The following ORMDL1 variants were observed in gnomAD, a reference collection of about 807,000 sequenced individuals.
ORMDL1 encodes ORMDL sphingolipid biosynthesis regulator 1.
Under a neutral mutation model 13.0 loss-of-function variants are expected in ORMDL1, and 10 were observed. The observed-to-expected ratio is 0.77, with a 90% CI of 0.47 to 1.30. The LOEUF (loss-of-function observed/expected upper bound fraction) is 1.30, where lower values mean the gene tolerates loss of function less well. Ranked by LOEUF, ORMDL1 falls within the 50% of genes most tolerant of loss-of-function variation. The pLI, the probability that ORMDL1 is intolerant of heterozygous loss-of-function variation, is 0.00. For missense variants in ORMDL1, 171 were observed against 186.7 expected (o/e 0.92, Z 0.49); for synonymous variants, 61 against 63.9 (o/e 0.95, Z 0.22).
At chr2:189,775,528 C>A in intron 4 of ORMDL1, 37 bp downstream of exon 4, 1 of 1,529,150 alleles carries the variant, frequency 6.5e-7, no homozygotes, top group Non-Finnish European at 8.8e-7. Flanking sequence ...TTCCTCTTAT[C>A]CAATCCTCCT....
downstream of ORMDL1, among the ~76,000 whole-genome samples, chr2:189,767,489 A>G (rs1358942567): frequency 6.6e-6 from 1 of 152,264 alleles, no homozygotes; most frequent in Non-Finnish European, 1.5e-5. Context: ...GGTTTTCAAA[A>G]TAAGATTGTC....
downstream of ORMDL1, among the ~76,000 whole-genome samples, chr2:189,766,898 T>G (rs1287110996): frequency 6.6e-6 from 1 of 152,202 alleles, no homozygotes; most frequent in Non-Finnish European, 1.5e-5. Flanking sequence ...TCATAAAGTC[T>G]TCAAGATTCA....
At chr2:189,767,479 G>T (rs537914159), downstream of ORMDL1, among the ~76,000 whole-genome samples, 3 of 152,012 alleles carry the variant, frequency 2.0e-5, no homozygotes, top group Non-Finnish European at 4.4e-5. Context: ...AAAACTCCGG[G>T]GTTTTCAAAA....
chr2:189,784,016 T>G (rs1347400294), intron 1 of ORMDL1: 1 of 152,390 alleles, frequency 6.6e-6, no homozygotes, highest in African/African-American at 2.4e-5. Flanking sequence ...AAGCCGCCGC[T>G]GCTACCACCT....
intron 3 of ORMDL1, among the ~76,000 whole-genome samples, chr2:189,777,980 C>T (rs2047735327): frequency 6.6e-6 from 1 of 152,154 alleles, no homozygotes; most frequent in African/African-American, 2.4e-5. Flanking sequence ...ACTCCGATGG[C>T]TAATTAAGTT....
rs1357662263 is a variant in ORMDL1 at position 189,782,997 on chromosome 2, GAAA to G, written c.-8+14_-8+16del. 3 of 165,490 alleles carry G rather than the reference GAAA, an allele frequency of 1.8e-5. No homozygotes were observed. The highest frequency in any genetic ancestry group is 7.2e-5 in the African/African-American group (3 of 41,638). 10.3% of individuals were successfully genotyped at this position (165,490 alleles called of 1,614,324 possible). ...CAACATAATAAATTTATATTAAAAA[GAAA>G]AAGCAGAACTCACCGAGCCAGTGTG... On this transcript the variant is annotated intron_variant, in intron 2 of 4. Coordinates refer to ENST00000392349, the MANE Select transcript of ORMDL1 (RefSeq NM_016467.5).
At chr2:189,776,876 T>C (rs1327585650) in intron 3 of ORMDL1, among the ~76,000 whole-genome samples, 1 of 151,488 alleles carries the variant, frequency 6.6e-6, no homozygotes, top group African/African-American at 2.4e-5. Context: ...CTTGGAAAAA[T>C]TCAATCCTCC....
chr2:189,773,663 A>C (rs1425475640), intron 4 of ORMDL1, among the ~76,000 whole-genome samples: 1 of 136,086 alleles, frequency 7.3e-6, no homozygotes, highest in Non-Finnish European at 1.6e-5. Flanking sequence ...CGGAGGTTGC[A>C]GTGAGCCAAG....
the ORMDL1 span, chr2:189,764,721 G>C: frequency 6.6e-6 from 1 of 152,108 alleles, no homozygotes. Context: ...GAGAGTTCCA[G>C]CTGAATCTAG....
At position 189,775,580 on chromosome 2, in the gene ORMDL1, A is replaced by G. The variant is rs2047675366; in HGVS notation, c.311T>C (p.Ile104Thr). ...TGCCACTTACAGAATTATTGGAGAA[A>G]TTGTGAAAAACTTCCGTGAAGATGT... Reference protein sequence around the residue: ...QFTSSRKFFTISPIILYFLAS... With the variant: ...QFTSSRKFFTTSPIILYFLAS... Residue 104 changes from isoleucine (I) to threonine (T), a missense_variant, in exon 4 of 5, where the codon ATT (isoleucine) becomes ACT (threonine). Transcript: ENST00000392349. 1.9e-6 allele frequency: 3 copies of G among 1,600,996 alleles called. No homozygotes were observed. In the East Asian group the frequency reaches 6.8e-5, roughly 36 times the overall value.
In ORMDL1 at chr2:189,775,593, TC is replaced by T. The variant is rs780796370; in HGVS notation, c.297del (p.Lys100SerfsTer8). 1.1e-4 allele frequency: 173 copies of T among 1,606,024 alleles called. No individual in the cohort carries two copies. Among genetic ancestry groups the T allele is most frequent in the Non-Finnish European group, 4.2e-6 (5 of 1,176,888 alleles). On this transcript the variant is annotated frameshift_variant, in exon 4 of 5. Coordinates refer to ENST00000392349, the MANE Select transcript of ORMDL1 (RefSeq NM_016467.5). LOFTEE classifies it high-confidence loss of function. ...ATTATTGGAGAAATTGTGAAAAACT[TC>T]CGTGAAGATGTAAACTGTACTCCAT... ...LDYGVQFTSS[R>X]KFFTISPIIL...
At chr2:189,775,512 G>T (rs1164611337) in intron 4 of ORMDL1, 53 bp downstream of exon 4, 2 of 1,483,492 alleles carry the variant, frequency 1.3e-6, no homozygotes, top group Admixed American at 2.2e-5. Flanking sequence ...CTGATGAAAA[G>T]ATATCTTCCT....
At chr2:189,763,911 G>A in the ORMDL1 span, 1 of 152,210 alleles carries the variant, frequency 6.6e-6, no homozygotes. Flanking sequence ...TTTCATTTAT[G>A]TGTAACAATA....
intron 4 of ORMDL1, chr2:189,774,846 G>A (rs2047658718): frequency 6.6e-6 from 1 of 152,198 alleles, no homozygotes; most frequent in Non-Finnish European, 1.5e-5. Flanking sequence ...ATGCTGCTTA[G>A]AAGGCCAGGT....
chr2:189,780,377 T>C (rs1177182290), intron 3 of ORMDL1, among the ~76,000 whole-genome samples: 3 of 152,196 alleles, frequency 2.0e-5, no homozygotes, highest in African/African-American at 7.2e-5. Context: ...CATTCAGCTG[T>C]CTGGCTTGGC....
Position 189,771,879 on chromosome 2 carries a change from G to A in ORMDL1, c.350C>T (p.Thr117Met), listed in dbSNP as rs766956347. 7.5e-6 allele frequency: 12 copies of A among 1,595,034 alleles called. No individual in the cohort carries two copies. The highest frequency in any genetic ancestry group is 4.5e-5 in the East Asian group (2 of 44,312). ...GATGAAGTGAGTTGGATCATACTTCGTATAGAAACTTGCCAGAAAATATCT... is the reference window on the plus strand; with the variant it reads ...GATGAAGTGAGTTGGATCATACTTCATATAGAAACTTGCCAGAAAATATCT... ...IILYFLASFY[T>M]KYDPTHFILN... The change falls in exon 5 of 5, where the codon ACG becomes ATG. Residue 117 changes from threonine (T) to methionine (M), a missense_variant. Thr to Met is a moderately conservative substitution (Grantham distance 81, BLOSUM62 -1). Transcript: ENST00000392349.
chr2:189,765,568 T>TA (rs1337501245), downstream of ORMDL1: 1 of 152,244 alleles, frequency 6.6e-6, no homozygotes, highest in Non-Finnish European at 1.5e-5. Flanking sequence ...ACTAATGTAT[T>TA]ATTTATGAGA....
At chr2:189,779,242 T>A (rs2047768294) in intron 3 of ORMDL1, among the ~76,000 whole-genome samples, 2 of 152,086 alleles carry the variant, frequency 1.3e-5, no homozygotes, top group African/African-American at 2.4e-5. Context: ...TTTTGGAGGA[T>A]GGTGCAGAAG....
At position 189,779,421 on chromosome 2, in the gene ORMDL1, A is replaced by G. The variant is rs757299180; in HGVS notation, c.174+3001T>C. 3.9e-5 allele frequency among the ~76,000 whole-genome samples: 6 copies of G among 152,256 alleles called. 1 individual carries two copies. Among genetic ancestry groups the G allele is most frequent in the Non-Finnish European group, 8.8e-5 (6 of 68,050 alleles). On this transcript the variant is annotated intron_variant, in intron 3 of 4. Transcript: ENST00000392349. ...ATGATCACGCCAGTCTCTTAAAAAC[A>G]AAAGAGTACTTGGTCCAGGTGAAAA... is the stretch of plus-strand genomic sequence containing the variant.
Sources: gnomAD v4.1 joint callset for allele counts (sites outside exome capture counted in the v4.1 genomes callset) on GRCh38, gnomAD v4.1.1 for gene constraint, MANE v1.5 for transcripts, NCBI Gene and HGNC (gene_info 2026-07-23, HGNC 2026-07-21) for gene names.